The following CAMTA1 variants were observed in gnomAD, a reference collection of about 807,000 sequenced individuals.
CAMTA1 encodes the protein calmodulin binding transcription activator 1, also known as calmodulin-binding transcription activator 1.
A neutral mutation model predicts 170.9 loss-of-function variants in CAMTA1; 27 were observed. The ratio of observed to expected loss-of-function variants is 0.16; its 90% CI spans 0.12 to 0.22. CAMTA1 has a LOEUF of 0.22. Among genes scored for constraint, CAMTA1 ranks in the 10% least tolerant of loss-of-function variants. The pLI, the probability that CAMTA1 is intolerant of heterozygous loss-of-function variation, is 1.00. For synonymous variants in CAMTA1, 833 were observed against 891.5 expected (o/e 0.93, Z 1.17); for missense variants, 1,619 against 2,217.2 (o/e 0.73, Z 5.42).
At chr1:7,231,301 C>T (rs1433589864) in intron 4 of CAMTA1, among the ~76,000 whole-genome samples, 1 of 151,288 alleles carries the variant, frequency 6.6e-6, no homozygotes, top group Non-Finnish European at 1.5e-5. Context: ...ACTGCGTGAC[C>T]CCAGCATTCA....
At chr1:7,543,959 G>A (rs182219946) in intron 6 of CAMTA1, among the ~76,000 whole-genome samples, 1 of 151,996 alleles carries the variant, frequency 6.6e-6, no homozygotes, top group Non-Finnish European at 1.5e-5. Context: ...TTAGTTTAAT[G>A]CCTTGCTGCC....
Position 7,463,602 on chromosome 1 carries a change from G to A in CAMTA1, c.439-4228G>A, listed in dbSNP as rs1443723847. 6.6e-6 allele frequency among the ~76,000 whole-genome samples: 1 copy of A among 152,162 alleles called. No individual in the cohort carries two copies. Among genetic ancestry groups the A allele is most frequent in the Non-Finnish European group, 1.5e-5 (1 of 68,028 alleles). On this transcript the variant is annotated intron_variant, in intron 5 of 22. Coordinates refer to ENST00000303635, the MANE Select transcript of CAMTA1 (RefSeq NM_015215.4). This position sits in a 1 kb window ranked among gnomAD's most constrained non-coding sequence, Gnocchi z 4.7. Reference sequence around the variant, plus strand: ...AGAGAAAGATAGAGACGGAAGAAGAGAGACCAAGGGACAGAGACACAGAGA... The same window carrying A: ...AGAGAAAGATAGAGACGGAAGAAGAAAGACCAAGGGACAGAGACACAGAGA...
At chr1:7,540,759 A>G (rs928401971) in intron 6 of CAMTA1, among the ~76,000 whole-genome samples, 6 of 152,142 alleles carry the variant, frequency 3.9e-5, no homozygotes, top group Non-Finnish European at 7.4e-5. Flanking sequence ...CTTCTGAGAG[A>G]TAGTTACATA....
chr1:7,193,651 G>C (rs868752254), intron 4 of CAMTA1, among the ~76,000 whole-genome samples: 2 of 152,126 alleles, frequency 1.3e-5, no homozygotes, highest in Non-Finnish European at 2.9e-5. Context: ...ACCTGCAGAA[G>C]GGGGTGCGGA....
chr1:7,678,994 C>A (rs1295117907), intron 11 of CAMTA1, among the ~76,000 whole-genome samples: 1 of 152,212 alleles, frequency 6.6e-6, no homozygotes, highest in African/African-American at 2.4e-5. Context: ...GACAGCTGCC[C>A]TGGCTGGTGA....
At chr1:6,828,927 C>T (rs1460897755) in intron 3 of CAMTA1, among the ~76,000 whole-genome samples, 2 of 129,002 alleles carry the variant, frequency 1.6e-5, no homozygotes, top group Admixed American at 8.3e-5. Context: ...GACAGAGTCT[C>T]ACTCTGTTGC....
chr1:6,921,393 T>C (rs1373184972), intron 3 of CAMTA1, among the ~76,000 whole-genome samples: 1 of 152,230 alleles, frequency 6.6e-6, no homozygotes. Flanking sequence ...GCATTTTTTG[T>C]CAAAGCCATT....
At chr1:7,006,205 T>C (rs952855353) in intron 3 of CAMTA1, among the ~76,000 whole-genome samples, 3 of 152,188 alleles carry the variant, frequency 2.0e-5, no homozygotes, top group African/African-American at 4.8e-5. Context: ...CAATGGGATA[T>C]CTTCAGATTC....
At chr1:7,612,639 G>A (rs145872357) in intron 6 of CAMTA1, among the ~76,000 whole-genome samples, 332 of 152,218 alleles carry the variant, frequency 2.2e-3, no homozygotes, top group Non-Finnish European at 3.4e-3. Flanking sequence ...TCACCACTCC[G>A]AGCTCACTGG....
At chr1:7,095,478 TGGAA>T (rs1641967777) in intron 4 of CAMTA1, among the ~76,000 whole-genome samples, 1 of 152,224 alleles carries the variant, frequency 6.6e-6, no homozygotes, top group Non-Finnish European at 1.5e-5. Flanking sequence ...CTGCCAGGTA[TGGAA>T]GGTACGTGCC....
chr1:7,183,262 G>A (rs948075204), intron 4 of CAMTA1, among the ~76,000 whole-genome samples: 2 of 152,108 alleles, frequency 1.3e-5, no homozygotes, highest in East Asian at 3.9e-4. Context: ...CTGTGACTTC[G>A]TTACTGAAGG....
At chr1:6,833,952 T>G (rs1469024830) in intron 3 of CAMTA1, among the ~76,000 whole-genome samples, 2 of 152,142 alleles carry the variant, frequency 1.3e-5, no homozygotes, top group Non-Finnish European at 2.9e-5. Flanking sequence ...CAGAAGCAGA[T>G]TCGAGTCTTG....
At chr1:6,817,185 G>A (rs1455281922) in intron 1 of CAMTA1, among the ~76,000 whole-genome samples, 1 of 152,168 alleles carries the variant, frequency 6.6e-6, no homozygotes, top group African/African-American at 2.4e-5. Context: ...CTATTCATTA[G>A]TGTGTCCCAC....
intron 3 of CAMTA1, among the ~76,000 whole-genome samples, chr1:6,894,918 C>T (rs1157363123): frequency 6.6e-6 from 1 of 152,168 alleles, no homozygotes; most frequent in African/African-American, 2.4e-5. Flanking sequence ...AGAAAATGCT[C>T]TGTGAGCAGC....
chr1:7,047,721 C>CTCTCT (rs1190535170), intron 3 of CAMTA1, among the ~76,000 whole-genome samples: 4 of 129,512 alleles, frequency 3.1e-5, no homozygotes, highest in African/African-American at 1.3e-4. Flanking sequence ...CTCTCTCTCT[C>CTCTCT]TTTTTTTTTT....
intron 4 of CAMTA1, among the ~76,000 whole-genome samples, chr1:7,156,252 C>A (rs775873695): frequency 1.1e-4 from 13 of 121,718 alleles, no homozygotes; most frequent in Non-Finnish European, 1.3e-4. Context: ...GCAGCCTGGG[C>A]AACAAGAATG....
Position 7,113,906 on chromosome 1 carries a change from C to G in CAMTA1, c.302+22535C>G, listed in dbSNP as rs1157891949. Among the ~76,000 whole-genome samples the G allele has an allele frequency of 6.6e-6, 1 of 152,152 alleles. No homozygotes were observed. The highest frequency in any genetic ancestry group is 1.5e-5 in the Non-Finnish European group (1 of 68,026). On this transcript the variant is annotated intron_variant, in intron 4 of 22. Transcript: ENST00000303635. This position sits in a 1 kb window ranked among gnomAD's most constrained non-coding sequence, Gnocchi z 4.5. Reference sequence around the variant, plus strand: ...CAGATGGTGAAATACACACAGGAAACCTTGGCTTTGTGGCCGTATTGGTCT... The same window carrying G: ...CAGATGGTGAAATACACACAGGAAAGCTTGGCTTTGTGGCCGTATTGGTCT...
chr1:6,952,346 G>A (rs1208798142), intron 3 of CAMTA1, among the ~76,000 whole-genome samples: 4 of 149,094 alleles, frequency 2.7e-5, no homozygotes, highest in African/African-American at 4.9e-5. Context: ...CAGGAGAAAG[G>A]CGTGAACCTG....
At chr1:7,049,677 GAACTC>G (rs1705998627) in intron 3 of CAMTA1, among the ~76,000 whole-genome samples, 1 of 152,154 alleles carries the variant, frequency 6.6e-6, no homozygotes, top group Admixed American at 6.5e-5. Context: ...GGCTGGTCTC[GAACTC>G]TTGACCTCAG....
Sources: gnomAD v4.1 joint callset for allele counts (sites outside exome capture counted in the v4.1 genomes callset) on GRCh38, gnomAD v4.1.1 for gene constraint, Gnocchi (gnomAD v3.1) non-coding constraint, MANE v1.5 for transcripts, NCBI Gene and HGNC (gene_info 2026-07-23, HGNC 2026-07-21) for gene names.